The following CARNMT1 variants were observed in gnomAD, a reference collection of about 807,000 sequenced individuals.
CARNMT1 encodes protein-L-histidine N-pros-methyltransferase CARNMT1.
In CARNMT1, 28 loss-of-function variants were observed where a neutral mutation model predicts 49.6. The ratio of observed to expected loss-of-function variants is 0.56; its 90% CI spans 0.42 to 0.77. The LOEUF is 0.77. Ranked by LOEUF, CARNMT1 falls within the 30% of genes least tolerant of loss-of-function variation. CARNMT1 has a pLI of 0.00. For synonymous variants in CARNMT1, 178 were observed against 175.0 expected (o/e 1.02, Z -0.13); for missense variants, 421 against 512.6 (o/e 0.82, Z 1.73).
At chr9:74,997,595 T>C (rs1197785600) in intron 5 of CARNMT1, among the ~76,000 whole-genome samples, 1 of 152,054 alleles carries the variant, frequency 6.6e-6, no homozygotes, top group Non-Finnish European at 1.5e-5. Context: ...TCCTCTTCCC[T>C]TGCCATTCCC....
At chr9:74,987,767 T>C (rs1027433074) in intron 6 of CARNMT1, among the ~76,000 whole-genome samples, 1 of 152,108 alleles carries the variant, frequency 6.6e-6, no homozygotes, top group Admixed American at 6.5e-5. Context: ...TGAATTTTAT[T>C]ATATGTCAAT....
chr9:75,025,323 G>A lies in CARNMT1; in HGVS notation c.230+2689C>T, dbSNP rs1197034194. On this transcript the variant is annotated intron_variant, in intron 1 of 7. Transcript: ENST00000376834. ...GACAAAAGCAGAGTGATTATTTTAA[G>A]AAGATACTGGTAACATCTGAGCTTA... Among the ~76,000 whole-genome samples, 4 of 152,142 alleles carry A rather than the reference G, an allele frequency of 2.6e-5. No homozygotes were observed. In the East Asian group the frequency reaches 7.7e-4, roughly 29 times the overall value.
intron 1 of CARNMT1, among the ~76,000 whole-genome samples, chr9:75,024,942 C>T (rs901197493): frequency 2.0e-5 from 3 of 152,104 alleles, no homozygotes; most frequent in Non-Finnish European, 2.9e-5. Flanking sequence ...TAATATATTA[C>T]GTACTATATT....
chr9:75,003,176 C>T (rs950077760), intron 3 of CARNMT1, among the ~76,000 whole-genome samples: 1 of 152,166 alleles, frequency 6.6e-6, no homozygotes, highest in African/African-American at 2.4e-5. Flanking sequence ...AGAAGACTTT[C>T]TTTAGAGCTC....
In CARNMT1 at chr9:74,983,493, A is replaced by C. The variant is rs915825269; in HGVS notation, c.*274T>G. 2 of 254,356 alleles carry C rather than the reference A, an allele frequency of 7.9e-6. No individual in the cohort carries two copies. Among genetic ancestry groups the C allele is most frequent in the Non-Finnish European group, 1.5e-5 (2 of 133,978 alleles). 15.8% of individuals were successfully genotyped at this position (254,356 alleles called of 1,614,324 possible). A position where few individuals can be genotyped will look rare whatever the true frequency, so the allele number is the denominator to read the frequency against. On this transcript the variant is annotated 3_prime_UTR_variant, in exon 8 of 8. Coordinates refer to ENST00000376834, the MANE Select transcript of CARNMT1 (RefSeq NM_152420.3). ...ACACTGGAGATTAGGTTTTTTTCCT[A>C]CTGAAACACAATTCTGGGCTTCAAG...
intron 3 of CARNMT1, among the ~76,000 whole-genome samples, chr9:75,001,481 T>C (rs1443915472): frequency 6.6e-6 from 1 of 152,144 alleles, no homozygotes; most frequent in Admixed American, 6.5e-5. Flanking sequence ...AGGCTACCCA[T>C]CAAGTCACAG....
chr9:75,013,085 A>G (rs1395206383), intron 3 of CARNMT1, among the ~76,000 whole-genome samples: 1 of 152,146 alleles, frequency 6.6e-6, no homozygotes, highest in Non-Finnish European at 1.5e-5. Flanking sequence ...TTTGTCTTTG[A>G]TATTAGCTCC....
chr9:74,994,881 T>C (rs1833140329), intron 6 of CARNMT1, among the ~76,000 whole-genome samples: 1 of 152,186 alleles, frequency 6.6e-6, no homozygotes. Flanking sequence ...GCTCTCCTAA[T>C]TGACTTCCTG....
At chr9:75,001,326 CA>C (rs1833347713) in intron 3 of CARNMT1, among the ~76,000 whole-genome samples, 1 of 152,088 alleles carries the variant, frequency 6.6e-6, no homozygotes, top group Admixed American at 6.6e-5. Context: ...ATGTTAACAA[CA>C]ATTATTTTGC....
At chr9:74,988,439 T>C (rs1396658342) in intron 6 of CARNMT1, among the ~76,000 whole-genome samples, 1 of 152,210 alleles carries the variant, frequency 6.6e-6, no homozygotes, top group Non-Finnish European at 1.5e-5. Flanking sequence ...ATCTTATACT[T>C]CATTAGGAAC....
intron 1 of CARNMT1, among the ~76,000 whole-genome samples, chr9:75,022,384 C>T (rs900921871): frequency 1.1e-4 from 16 of 151,690 alleles, no homozygotes; most frequent in South Asian, 6.2e-4. Flanking sequence ...CCACCATGCC[C>T]GGCTAATTTT....
intron 6 of CARNMT1, chr9:74,996,166 T>G (rs1833183796): frequency 1.3e-5 from 3 of 234,588 alleles, no homozygotes; most frequent in East Asian, 2.0e-4. Flanking sequence ...GGGATGGTGA[T>G]AATGAGGGAA....
intron 5 of CARNMT1, among the ~76,000 whole-genome samples, chr9:74,997,362 AAAAT>A (rs995897717): frequency 5.3e-5 from 8 of 152,218 alleles, no homozygotes; most frequent in African/African-American, 1.7e-4. Flanking sequence ...TCTATGTTGT[AAAAT>A]AAATAAATAA....
At chr9:74,987,775 A>G (rs1479215513) in intron 6 of CARNMT1, among the ~76,000 whole-genome samples, 3 of 152,062 alleles carry the variant, frequency 2.0e-5, no homozygotes, top group Non-Finnish European at 4.4e-5. Context: ...ATTATATGTC[A>G]ATTATATCTC....
At chr9:75,019,178 C>T (rs1208586233) in intron 1 of CARNMT1, among the ~76,000 whole-genome samples, 1 of 152,104 alleles carries the variant, frequency 6.6e-6, no homozygotes, top group Non-Finnish European at 1.5e-5. Flanking sequence ...CCAAGTTCTT[C>T]ACTAAGAGGC....
At chr9:75,017,967 C>G (rs1488608620) in intron 1 of CARNMT1, among the ~76,000 whole-genome samples, 2 of 152,034 alleles carry the variant, frequency 1.3e-5, no homozygotes, top group Non-Finnish European at 2.9e-5. Flanking sequence ...TAACAATACC[C>G]ACAATTTGCA....
chr9:74,996,034 G>A (rs547092775), intron 6 of CARNMT1: 1 of 155,318 alleles, frequency 6.4e-6, no homozygotes, highest in Non-Finnish European at 1.4e-5. Context: ...ACCCTTCCCA[G>A]TATATGGATG....
chr9:75,016,322 G>A lies in CARNMT1; in HGVS notation c.536C>T (p.Ala179Val). ...TTCTTTAATGATTGGCTGGTAACAG[G>A]CATCCCTTTCTGCTTTCCCAGTTTC... ...WSETGKAERD[A>V]CYQPIIKEIL... Residue 179 changes from alanine to valine, a missense_variant, in exon 3 of 8, where the codon GCC becomes GTC. Physicochemically the swap from Ala to Val is moderately conservative, Grantham distance 64 (BLOSUM62 0). Around this residue, in one of 2 missense-constraint regions of CARNMT1, gnomAD observed 235 missense variants for 344.8 expected, o/e 0.68. Transcript: ENST00000376834. The A allele has an allele frequency of 1.2e-6, 2 of 1,613,866 alleles. No homozygotes were observed. Among genetic ancestry groups the A allele is most frequent in the Non-Finnish European group, 1.7e-6 (2 of 1,179,892 alleles).
intron 6 of CARNMT1, among the ~76,000 whole-genome samples, chr9:74,988,760 T>C (rs1832925155): frequency 6.6e-6 from 1 of 152,208 alleles, no homozygotes; most frequent in African/African-American, 2.4e-5. Context: ...CCCATTACCC[T>C]TTAAGAATGT....
Sources: allele counts gnomAD v4.1 joint callset (sites outside exome capture counted in the v4.1 genomes callset), GRCh38; gene constraint gnomAD v4.1.1; regional missense constraint gnomAD v4.1.1; transcripts MANE v1.5; gene names NCBI Gene and HGNC (gene_info 2026-07-23, HGNC 2026-07-21).